NTM: variants seen among roughly 807,000 people sequenced by gnomAD.
NTM encodes the protein IgLON family member 2.
NTM carries 13 observed loss-of-function variants against 42.1 expected under a neutral mutation model. That is an observed-to-expected ratio of 0.31 (90% CI 0.20 to 0.49). The LOEUF (loss-of-function observed/expected upper bound fraction) is 0.49, where lower values mean the gene tolerates loss of function less well. NTM is among the 20% of genes least tolerant of loss of function. NTM has a pLI of 0.99. For missense variants in NTM, 373 were observed against 452.8 expected (o/e 0.82, Z 1.60); for synonymous variants, 187 against 179.2 (o/e 1.04, Z -0.35).
rs768141570 is a variant in NTM, at chr11:132,307,664, CCA to C, written c.527-21_527-20del. The C allele has an allele frequency of 6.2e-6, 10 of 1,613,052 alleles. 1 individual carries two copies. In the East Asian group the frequency reaches 8.9e-5, roughly 14 times the overall value. On this transcript the variant is annotated intron_variant, in intron 4 of 8. Transcript: ENST00000683400. ...TGGTCTTTTTTTTCCTTGTATTTCA[CCA>C]CACGTTACCGGTTTTCCCGCAGCGG...
intron 1 of NTM, among the ~76,000 whole-genome samples, chr11:131,520,726 A>C (rs963954517): frequency 6.7e-6 from 1 of 149,122 alleles, no homozygotes; most frequent in Non-Finnish European, 1.5e-5. Context: ...TACGACTTAG[A>C]AGCTTTATAT....
At chr11:131,887,029 C>T (rs2050518776) in intron 1 of NTM, among the ~76,000 whole-genome samples, 1 of 152,202 alleles carries the variant, frequency 6.6e-6, no homozygotes, top group Admixed American at 6.5e-5. Flanking sequence ...CAGTATAGCT[C>T]TAAAGCCCCT....
In NTM at chr11:131,405,182, T is replaced by C. The variant is rs61190923; in HGVS notation, c.82+34294T>C. On this transcript the variant is annotated intron_variant, in intron 1 of 8. Transcript: ENST00000683400. ...GATCAAGGGAGGCTGGTATGACCAA[T>C]TGAAAGTGTCCCTCACTCTTTCTTG... Among the ~76,000 whole-genome samples the C allele has an allele frequency of 9.1e-3, 1,386 of 152,320 alleles. 20 individuals are homozygous for C. The highest frequency in any genetic ancestry group is 0.03 in the African/African-American group (1,255 of 41,562).
chr11:132,282,961 G>C (rs1260140397), intron 4 of NTM, among the ~76,000 whole-genome samples: 1 of 126,174 alleles, frequency 7.9e-6, no homozygotes, highest in Middle Eastern at 4.1e-3. Context: ...AATGAAACGG[G>C]AAATTCCTTT....
At chr11:131,644,577 T>C (rs1432958997) in intron 1 of NTM, among the ~76,000 whole-genome samples, 1 of 152,226 alleles carries the variant, frequency 6.6e-6, no homozygotes, top group Non-Finnish European at 1.5e-5. Flanking sequence ...CCACATAAGA[T>C]AACAATGCGG....
intron 1 of NTM, among the ~76,000 whole-genome samples, chr11:131,902,956 A>T (rs1210697364): frequency 6.6e-6 from 1 of 152,258 alleles, no homozygotes; most frequent in East Asian, 1.9e-4. Context: ...ACATATGCCT[A>T]AATGGCTTAT....
chr11:131,856,060 G>T lies in NTM; in HGVS notation c.83-55504G>T, dbSNP rs190678945. 2.7e-3 allele frequency among the ~76,000 whole-genome samples: 417 copies of T among 152,312 alleles called. 3 individuals are homozygous for T. The highest frequency in any genetic ancestry group is 9.5e-3 in the African/African-American group (396 of 41,584). ...CTCCTGGACTGATTAGACAGTCGCT[G>T]CGTATTTATTGATCCCTTCTAGGGC... On this transcript the variant is annotated intron_variant, in intron 1 of 8. Transcript: ENST00000683400.
At chr11:132,047,240 G>A (rs2078151219) in intron 2 of NTM, among the ~76,000 whole-genome samples, 1 of 152,256 alleles carries the variant, frequency 6.6e-6, no homozygotes, top group Admixed American at 6.5e-5. Context: ...CAGAAGGGAA[G>A]TTTATCCTTT....
At chr11:132,180,958 G>T (rs1209018492) in intron 3 of NTM, among the ~76,000 whole-genome samples, 1 of 152,188 alleles carries the variant, frequency 6.6e-6, no homozygotes. Context: ...TCATCATCAT[G>T]TATGTAAAGT....
chr11:131,916,884 C>T (rs373071621), intron 2 of NTM, among the ~76,000 whole-genome samples: 8 of 152,160 alleles, frequency 5.3e-5, no homozygotes, highest in South Asian at 2.1e-4. Flanking sequence ...TCTTGTGGTC[C>T]GCCCTGCTGG....
rs189796985 is a variant in NTM, at chr11:132,001,353, T to C, written c.167+89705T>C. Among the ~76,000 whole-genome samples the C allele has an allele frequency of 2.1e-4, 32 of 152,340 alleles. 1 individual carries two copies. The East Asian group carries it at 6.0e-3, about 29-fold the overall frequency. ...ATAAACATATATAAAGGCTGATTTA[T>C]AGTAAGCTGTTGTGTGAGGCCATTC... On this transcript the variant is annotated intron_variant, in intron 2 of 8. Transcript: ENST00000683400.
chr11:131,791,371 T>G (rs2090910397), intron 1 of NTM, among the ~76,000 whole-genome samples: 1 of 152,216 alleles, frequency 6.6e-6, no homozygotes, highest in South Asian at 2.1e-4. Context: ...TGCTTGCTTG[T>G]TTTTGTCTGT....
At chr11:132,154,468 A>G (rs1337503431) in intron 3 of NTM, among the ~76,000 whole-genome samples, 2 of 152,222 alleles carry the variant, frequency 1.3e-5, no homozygotes, top group Non-Finnish European at 2.9e-5. Flanking sequence ...AATCTCTCCA[A>G]TGTATGTCTT....
chr11:132,265,113 G>C (rs1307497000), intron 4 of NTM, among the ~76,000 whole-genome samples: 1 of 152,196 alleles, frequency 6.6e-6, no homozygotes, highest in African/African-American at 2.4e-5. Context: ...GAGACTTGGA[G>C]CAAATAATTT....
intron 1 of NTM, among the ~76,000 whole-genome samples, chr11:131,893,549 A>G (rs895696033): frequency 3.9e-5 from 6 of 152,230 alleles, no homozygotes; most frequent in African/African-American, 1.4e-4. Flanking sequence ...CAGAAGGCAG[A>G]AGACGTGTGG....
At chr11:132,104,427 G>A (rs2062011633) in intron 2 of NTM, among the ~76,000 whole-genome samples, 1 of 151,194 alleles carries the variant, frequency 6.6e-6, no homozygotes, top group Non-Finnish European at 1.5e-5. Flanking sequence ...TTATAAAGTA[G>A]TAAAAGATAC....
chr11:131,906,106 G>T (rs2053817640), intron 1 of NTM, among the ~76,000 whole-genome samples: 1 of 152,090 alleles, frequency 6.6e-6, no homozygotes, highest in African/African-American at 2.4e-5. Flanking sequence ...CTTTATTTTT[G>T]TTCCTCTCAA....
intron 1 of NTM, among the ~76,000 whole-genome samples, chr11:131,759,318 G>GT (rs1257138235): frequency 6.6e-6 from 1 of 152,206 alleles, no homozygotes; most frequent in Non-Finnish European, 1.5e-5. Flanking sequence ...TCCAAGAGAA[G>GT]TATTTCTGGG....
intron 2 of NTM, among the ~76,000 whole-genome samples, chr11:132,128,742 G>A (rs937790578): frequency 3.3e-5 from 5 of 150,810 alleles, no homozygotes; most frequent in Admixed American, 6.6e-5. Context: ...GTGAAACCCC[G>A]TCTCTACTAA....
Sources: gnomAD v4.1 joint callset for allele counts (sites outside exome capture counted in the v4.1 genomes callset) on GRCh38, gnomAD v4.1.1 for gene constraint, MANE v1.5 for transcripts, NCBI Gene and HGNC (gene_info 2026-07-23, HGNC 2026-07-21) for gene names.